The following KLHL1 variants were observed in gnomAD, a reference collection of about 807,000 sequenced individuals.
KLHL1 encodes kelch-like protein 1.
Under a neutral mutation model 77.7 loss-of-function variants are expected in KLHL1, and 47 were observed. That is an observed-to-expected ratio of 0.60 (90% CI 0.48 to 0.77). The LOEUF (loss-of-function observed/expected upper bound fraction) is 0.77. KLHL1 is among the 30% of genes least tolerant of loss of function. The pLI is 0.00. For synonymous variants in KLHL1, 360 were observed against 325.2 expected, an observed-to-expected ratio of 1.11 and a Z score of -1.15; for missense variants, 925 against 910.8, an observed-to-expected ratio of 1.02 and a Z score of -0.20.
At chr13:69,796,678 A>T in intron 7 of KLHL1, 60 bp downstream of exon 7, 1 of 1,172,220 alleles carries the variant, frequency 8.5e-7, no homozygotes, top group Non-Finnish European at 1.2e-6. Flanking sequence ...ATATTTTATC[A>T]TATAGTTACA....
intron 5 of KLHL1, among the ~76,000 whole-genome samples, chr13:69,855,896 GT>G (rs1240643021): frequency 1.4e-5 from 2 of 140,794 alleles, no homozygotes; most frequent in Non-Finnish European, 3.1e-5. Context: ...TAATATACAT[GT>G]TTTATATATA....
intron 4 of KLHL1, among the ~76,000 whole-genome samples, chr13:69,893,259 G>A (rs1881495499): frequency 7.1e-6 from 1 of 141,146 alleles, no homozygotes; most frequent in African/African-American, 2.6e-5. Context: ...AGGGAGTCTC[G>A]CTCTGTCGCC....
At chr13:69,970,792 T>C (rs1357585633) in intron 2 of KLHL1, among the ~76,000 whole-genome samples, 2 of 152,102 alleles carry the variant, frequency 1.3e-5, no homozygotes, top group Non-Finnish European at 2.9e-5. Context: ...CTCTGCCTGC[T>C]TCTGTTTCTT....
intron 1 of KLHL1, among the ~76,000 whole-genome samples, chr13:70,035,216 A>G (rs1390814984): frequency 6.6e-6 from 1 of 152,152 alleles, no homozygotes; most frequent in Non-Finnish European, 1.5e-5. Flanking sequence ...CAACAGACAA[A>G]TTGTGGTACA....
At chr13:69,825,672 G>A (rs1200593152) in intron 6 of KLHL1, among the ~76,000 whole-genome samples, 1 of 152,146 alleles carries the variant, frequency 6.6e-6, no homozygotes, top group Non-Finnish European at 1.5e-5. Context: ...TGTGTTGTAA[G>A]AACAAGTAAA....
At chr13:69,945,506 A>C (rs1236697450) in intron 3 of KLHL1, among the ~76,000 whole-genome samples, 1 of 151,960 alleles carries the variant, frequency 6.6e-6, no homozygotes, top group African/African-American at 2.4e-5. Context: ...AAGGAATAAA[A>C]AGATGAACCA....
chr13:69,706,135 C>G (rs902053685), intron 10 of KLHL1, among the ~76,000 whole-genome samples: 15 of 151,138 alleles, frequency 9.9e-5, no homozygotes, highest in African/African-American at 3.6e-4. Context: ...ATGTGAAAAG[C>G]AATCATTACT....
At chr13:69,955,912 GAT>G (rs559417793) in intron 3 of KLHL1, among the ~76,000 whole-genome samples, 1,285 of 123,614 alleles carry the variant, frequency 0.01, 25 homozygotes, top group African/African-American at 0.034. Context: ...ATATATATTT[GAT>G]ATATATATTT....
intron 10 of KLHL1, among the ~76,000 whole-genome samples, chr13:69,705,922 T>A (rs535322620): frequency 1.2e-4 from 18 of 151,860 alleles, no homozygotes; most frequent in Admixed American, 1.1e-3. Context: ...TATTCAGATA[T>A]TATATTACAT....
intron 2 of KLHL1, among the ~76,000 whole-genome samples, chr13:69,963,220 C>T (rs1884120059): frequency 1.3e-5 from 2 of 151,942 alleles, no homozygotes; most frequent in Admixed American, 6.6e-5. Context: ...AACCACCTCA[C>T]CTAGCATGGG....
chr13:70,018,410 T>C (rs1286637611), intron 1 of KLHL1, among the ~76,000 whole-genome samples: 1 of 152,202 alleles, frequency 6.6e-6, no homozygotes, highest in Non-Finnish European at 1.5e-5. Flanking sequence ...TAGAGTTAAT[T>C]CAGCAGCTGT....
At chr13:69,941,669 C>T (rs921046266) in intron 3 of KLHL1, among the ~76,000 whole-genome samples, 2 of 151,724 alleles carry the variant, frequency 1.3e-5, no homozygotes, top group Admixed American at 6.6e-5. Flanking sequence ...GATAAATGAA[C>T]CAAAAAGCTG....
intron 1 of KLHL1, among the ~76,000 whole-genome samples, chr13:70,026,760 GAGAC>G (rs1290445982): frequency 1.3e-5 from 2 of 151,604 alleles, no homozygotes; most frequent in African/African-American, 2.4e-5. Flanking sequence ...GAGAGAGAGA[GAGAC>G]AGAGAGAGAT....
chr13:70,076,359 A>G (rs1335867589), intron 1 of KLHL1, among the ~76,000 whole-genome samples: 1 of 150,342 alleles, frequency 6.7e-6, no homozygotes, highest in Non-Finnish European at 1.5e-5. Flanking sequence ...ACAATGCCAC[A>G]ATGGCATGCC....
At chr13:70,082,071 T>C (rs1455146289) in intron 1 of KLHL1, among the ~76,000 whole-genome samples, 1 of 152,036 alleles carries the variant, frequency 6.6e-6, no homozygotes, top group Middle Eastern at 3.2e-3. Flanking sequence ...CCCTTTGCTC[T>C]CTCTTCCTCC....
intron 4 of KLHL1, among the ~76,000 whole-genome samples, chr13:69,899,573 T>C (rs1881784382): frequency 6.6e-6 from 1 of 152,086 alleles, no homozygotes; most frequent in African/African-American, 2.4e-5. Context: ...TACAAAGAAA[T>C]CCATCTTGTA....
chr13:70,091,504 A>G (rs1490924264), intron 1 of KLHL1, among the ~76,000 whole-genome samples: 1 of 152,054 alleles, frequency 6.6e-6, no homozygotes, highest in Non-Finnish European at 1.5e-5. Flanking sequence ...TCCACATCAC[A>G]AATTTTCATT....
intron 7 of KLHL1, among the ~76,000 whole-genome samples, chr13:69,782,182 G>A (rs1876251830): frequency 6.6e-6 from 1 of 152,188 alleles, no homozygotes; most frequent in African/African-American, 2.4e-5. Flanking sequence ...TATTGGCTGG[G>A]GAGTCAAGAT....
intron 7 of KLHL1, among the ~76,000 whole-genome samples, chr13:69,771,748 A>G (rs1385500129): frequency 2.6e-5 from 4 of 152,140 alleles, no homozygotes; most frequent in African/African-American, 9.7e-5. Context: ...ATTGTCTTAT[A>G]TTTTAAAAAT....
Sources: gnomAD v4.1 joint callset for allele counts (sites outside exome capture counted in the v4.1 genomes callset) on GRCh38, gnomAD v4.1.1 for gene constraint, MANE v1.5 for transcripts, NCBI Gene and HGNC (gene_info 2026-07-23, HGNC 2026-07-21) for gene names.